The following SPATA6 variants were observed in gnomAD, a reference collection of about 807,000 sequenced individuals.
The protein encoded by SPATA6 is spermatogenesis-associated protein 6.
SPATA6 carries 56 observed loss-of-function variants against 65.3 expected under a neutral mutation model. The observed-to-expected ratio is 0.86, with a 90% CI of 0.69 to 1.07. The LOEUF is 1.07. Among genes scored for constraint, SPATA6 ranks in the 50% least tolerant of loss-of-function variants. The probability of loss-of-function intolerance (pLI) is 0.00; values close to 1 mark genes in which losing one functional copy is unlikely to be tolerated. For missense variants in SPATA6, 590 were observed against 594.8 expected (o/e 0.99, Z 0.08); for synonymous variants, 199 against 213.2 (o/e 0.93, Z 0.58).
In SPATA6 at chr1:48,399,396, A is replaced by T; in HGVS notation, c.735T>A (p.Tyr245Ter). 1 of 1,613,146 alleles carries T rather than the reference A, an allele frequency of 6.2e-7. No homozygotes were observed. The highest frequency in any genetic ancestry group is 8.5e-7 in the Non-Finnish European group (1 of 1,179,428). Reference protein sequence around the residue: ...RRLAHLNLGPYEFKKETDKPP... With the variant: ...RRLAHLNLGP ...GTTTATCTGTTTCTTTTTTGAACTC[A>T]TAGGGTCCCAGATTTAAATGGGCCA... The change falls in exon 7 of 13, where the codon TAT becomes TAA. Residue 245 changes from tyrosine (Y) to a stop codon, truncating the protein, a stop_gained. Transcript: ENST00000371847. LOFTEE classifies it high-confidence loss of function.
chr1:48,402,672 C>T (rs956444222), intron 6 of SPATA6: 11 of 152,182 alleles, frequency 7.2e-5, no homozygotes, highest in Non-Finnish European at 1.3e-4. Context: ...AGCAAATTTA[C>T]TTGAATACTG....
At chr1:48,348,515 CA>C (rs1331454460) in intron 11 of SPATA6, among the ~76,000 whole-genome samples, 2 of 151,870 alleles carry the variant, frequency 1.3e-5, no homozygotes, top group Admixed American at 1.3e-4. Flanking sequence ...CTTTTTCAAG[CA>C]AATCTTCACT....
chr1:48,312,109 T>G (rs1475707163), intron 11 of SPATA6, among the ~76,000 whole-genome samples: 5 of 152,194 alleles, frequency 3.3e-5, no homozygotes, highest in Non-Finnish European at 4.4e-5. Context: ...CAAGGAGGCC[T>G]GCCTCCCACT....
chr1:48,421,087 A>G (rs886518472), intron 3 of SPATA6, among the ~76,000 whole-genome samples: 7 of 152,164 alleles, frequency 4.6e-5, no homozygotes, highest in Admixed American at 1.3e-4. Flanking sequence ...TGAGTACAAG[A>G]TTACAGTTAG....
At chr1:48,280,632 G>C in the SPATA6 span, among the ~76,000 whole-genome samples, 1 of 152,128 alleles carries the variant, frequency 6.6e-6, no homozygotes, top group Admixed American at 6.6e-5. Context: ...GATTAAACCA[G>C]GAAGAAATTG....
chr1:48,285,710 C>T, the SPATA6 span, among the ~76,000 whole-genome samples: 1 of 152,160 alleles, frequency 6.6e-6, no homozygotes, highest in Admixed American at 6.5e-5. Flanking sequence ...TGACCACTTG[C>T]ACTTCCTGGG....
chr1:48,461,039 G>A (rs1383712718), intron 1 of SPATA6, among the ~76,000 whole-genome samples: 5 of 152,080 alleles, frequency 3.3e-5, no homozygotes, highest in Non-Finnish European at 5.9e-5. Flanking sequence ...ATATCTAATA[G>A]TACTGCCAGA....
intron 4 of SPATA6, 30 bp downstream of exon 4, chr1:48,413,080 T>C (rs1373231613): frequency 3.9e-6 from 3 of 762,788 alleles, no homozygotes; most frequent in Non-Finnish European, 5.5e-6. Context: ...TGATATCTTA[T>C]ATTGTATATA....
At chr1:48,349,427 A>G (rs1646457455) in intron 11 of SPATA6, among the ~76,000 whole-genome samples, 1 of 152,000 alleles carries the variant, frequency 6.6e-6, no homozygotes, top group African/African-American at 2.4e-5. Flanking sequence ...TAATTTAAAC[A>G]TGTCTTACAT....
At chr1:48,315,749 T>A (rs1047805102) in intron 11 of SPATA6, among the ~76,000 whole-genome samples, 2 of 152,158 alleles carry the variant, frequency 1.3e-5, no homozygotes, top group Non-Finnish European at 2.9e-5. Flanking sequence ...GAAGTCAAAT[T>A]GTCCCTGTTT....
At position 48,407,656 on chromosome 1, in the gene SPATA6, T is replaced by A. The variant is rs138214373; in HGVS notation, c.406-3774A>T. Among the ~76,000 whole-genome samples, 350 of 152,306 alleles carry A rather than the reference T, an allele frequency of 2.3e-3. 9 individuals carry two copies. Among genetic ancestry groups the A allele is most frequent in the East Asian group, 0.011 (56 of 5,186 alleles). ...CCAGTTTTTCCCAAAGCTTTAGCAG[T>A]TTTTCAAGCATGAAAACTTCTTCGT... On this transcript the variant is annotated intron_variant, in intron 5 of 12. Transcript: ENST00000371847.
chr1:48,268,290 TTAAAAA>T, the SPATA6 span, among the ~76,000 whole-genome samples: 1 of 145,444 alleles, frequency 6.9e-6, no homozygotes, highest in Admixed American at 7.0e-5. Flanking sequence ...ATGGGTCTAC[TTAAAAA>T]TAAAAATATG....
intron 9 of SPATA6, among the ~76,000 whole-genome samples, chr1:48,376,522 G>A (rs1647928359): frequency 1.3e-5 from 2 of 148,934 alleles, no homozygotes; most frequent in South Asian, 2.1e-4. Context: ...CCTAGCTCCT[G>A]GAATTTAAAA....
At chr1:48,364,841 G>A (rs1480800872) in intron 9 of SPATA6, among the ~76,000 whole-genome samples, 1 of 152,138 alleles carries the variant, frequency 6.6e-6, no homozygotes, top group Non-Finnish European at 1.5e-5. Context: ...TGTTGCCACC[G>A]CTTTTGGTGT....
At chr1:48,318,403 T>TA in intron 11 of SPATA6, among the ~76,000 whole-genome samples, 1 of 152,242 alleles carries the variant, frequency 6.6e-6, no homozygotes, top group East Asian at 1.9e-4. Flanking sequence ...AAATAACTAT[T>TA]AGAGCTAATA....
In SPATA6 at chr1:48,299,516, GAAAAAAAAA is replaced by G. The variant is rs58072004; in HGVS notation, c.1287-632_1287-624del. ...ACAACAAGAGCAAAACTCCGTCTCG[GAAAAAAAAA>G]AAAAAAAAAAAAGAATGCATAGTTG... On this transcript the variant is annotated intron_variant, in intron 12 of 12. Transcript: ENST00000371847. Among the ~76,000 whole-genome samples, 37 of 38,202 alleles carry G rather than the reference GAAAAAAAAA, an allele frequency of 9.7e-4. 1 individual carries two copies. The East Asian group carries it at 0.031, about 32-fold the overall frequency. The allele number at this position is 38,202 out of a possible 152,430, so 25.1% of individuals were successfully genotyped here.
intron 5 of SPATA6, 137 bp downstream of exon 5, chr1:48,411,327 T>C (rs1048199439): frequency 1.0e-6 from 1 of 1,004,290 alleles, no homozygotes; most frequent in African/African-American, 1.6e-5. Context: ...ACAATTAAGA[T>C]TTAAACTACA....
chr1:48,317,535 G>A (rs1433717786), intron 11 of SPATA6, among the ~76,000 whole-genome samples: 3 of 152,172 alleles, frequency 2.0e-5, no homozygotes, highest in African/African-American at 4.8e-5. Context: ...TGTGGGGTGG[G>A]GGGAGAGGGG....
chr1:48,458,671 T>TA (rs1040293782), intron 1 of SPATA6, among the ~76,000 whole-genome samples: 6 of 151,990 alleles, frequency 3.9e-5, no homozygotes, highest in African/African-American at 4.8e-5. Context: ...TTATGCTAAG[T>TA]AAAAAAAAGT....
Sources: allele counts gnomAD v4.1 joint callset (sites outside exome capture counted in the v4.1 genomes callset), GRCh38; gene constraint gnomAD v4.1.1; transcripts MANE v1.5; gene names NCBI Gene and HGNC (gene_info 2026-07-23, HGNC 2026-07-21).